The following TLN2 variants were observed in gnomAD, a reference collection of about 807,000 sequenced individuals.
The protein encoded by TLN2 is talin-2.
TLN2 carries 118 observed loss-of-function variants against 294.7 expected under a neutral mutation model. The observed-to-expected ratio is 0.40, with a 90% CI of 0.34 to 0.47. The LOEUF is 0.47. TLN2 is among the 20% of genes least tolerant of loss of function. The probability of loss-of-function intolerance (pLI) is 0.84; values close to 1 mark genes in which losing one functional copy is unlikely to be tolerated. For missense variants in TLN2, 3,083 were observed against 3,282.2 expected (o/e 0.94, Z 1.48); for synonymous variants, 1,431 against 1,304.5 (o/e 1.10, Z -2.09).
chr15:62,553,923 T>G (rs915508982), intron 1 of TLN2, among the ~76,000 whole-genome samples: 24 of 152,058 alleles, frequency 1.6e-4, no homozygotes, highest in African/African-American at 5.8e-4. Context: ...GGGATGCATA[T>G]CTTTTAATCT....
At chr15:62,395,155 C>A (rs1034700639) in intron 1 of TLN2, among the ~76,000 whole-genome samples, 22 of 146,636 alleles carry the variant, frequency 1.5e-4, no homozygotes, top group African/African-American at 4.8e-4. Flanking sequence ...CCTGCCCTCA[C>A]AATGCCCACA....
Position 62,664,134 on chromosome 15 carries a change from C to T in TLN2, c.788+6236C>T, listed in dbSNP as rs569579322. On this transcript the variant is annotated intron_variant, in intron 9 of 58. Transcript: ENST00000636159. ...TTAGAGTATCTTATTAGGAAAAGAC[C>T]TCATCAAGAATAAAGCTCCAAACTG... Among the ~76,000 whole-genome samples the T allele has an allele frequency of 1.5e-3, 224 of 151,228 alleles. 3 individuals carry two copies. The highest frequency in any genetic ancestry group is 4.4e-3 in the African/African-American group (181 of 41,072).
intron 1 of TLN2, among the ~76,000 whole-genome samples, chr15:62,501,377 C>T (rs1316350471): frequency 6.6e-6 from 1 of 152,154 alleles, no homozygotes; most frequent in Non-Finnish European, 1.5e-5. Context: ...CTGGGGTGGA[C>T]ACTCATGACT....
Position 62,448,262 on chromosome 15 carries a change from C to G in TLN2, c.-238+57577C>G, listed in dbSNP as rs140506565. On this transcript the variant is annotated intron_variant, in intron 1 of 58. Coordinates refer to ENST00000636159, the MANE Select transcript of TLN2 (RefSeq NM_015059.3). ...CAGCACTGAGGAGTGACAGGATTCCCAGTCAGGGCCTAATTCCGTATAGCT... is the reference window on the plus strand; with the variant it reads ...CAGCACTGAGGAGTGACAGGATTCCGAGTCAGGGCCTAATTCCGTATAGCT... 9.8e-5 allele frequency among the ~76,000 whole-genome samples: 15 copies of G among 152,340 alleles called. No homozygotes were observed. In the East Asian group the frequency reaches 2.5e-3, roughly 25 times the overall value.
intron 2 of TLN2, among the ~76,000 whole-genome samples, chr15:62,613,047 T>G (rs1411909927): frequency 1.3e-5 from 2 of 152,312 alleles, no homozygotes; most frequent in East Asian, 3.9e-4. Context: ...TTCAGACTTC[T>G]GGGTTCAAAT....
intron 12 of TLN2, among the ~76,000 whole-genome samples, chr15:62,691,012 G>C (rs868553777): frequency 1.5e-5 from 2 of 129,484 alleles, no homozygotes; most frequent in South Asian, 5.8e-4. Flanking sequence ...TGGAAAGAGA[G>C]GGGGAGGGAG....
At chr15:62,819,425 C>T in intron 52 of TLN2, 91 bp from the exon 53 acceptor site, 2 of 1,085,774 alleles carry the variant, frequency 1.8e-6, no homozygotes, top group Non-Finnish European at 2.8e-6. Context: ...ACCAGGCTGC[C>T]TGACTCCACA....
At chr15:62,751,721 C>G (rs527934902) in intron 34 of TLN2, among the ~76,000 whole-genome samples, 1 of 152,192 alleles carries the variant, frequency 6.6e-6, no homozygotes, top group African/African-American at 2.4e-5. Context: ...TCACTGTGAC[C>G]TTGTACAGGA....
rs149231250 is a variant in TLN2 at position 62,643,752 on chromosome 15, G to A, written c.-36-3523G>A. 4.3e-4 allele frequency among the ~76,000 whole-genome samples: 66 copies of A among 152,192 alleles called. 1 individual carries two copies. The highest frequency in any genetic ancestry group is 2.5e-3 in the East Asian group (13 of 5,160). ...CCAGAGGTCAAAGGCATCAGGAGGTGTGGAATTGAGCCTGCACCTCAGACT... is the reference window on the plus strand; with the variant it reads ...CCAGAGGTCAAAGGCATCAGGAGGTATGGAATTGAGCCTGCACCTCAGACT... On this transcript the variant is annotated intron_variant, in intron 3 of 58. Transcript: ENST00000636159.
chr15:62,628,519 T>C (rs1029301914), intron 3 of TLN2, among the ~76,000 whole-genome samples: 2 of 152,252 alleles, frequency 1.3e-5, no homozygotes, highest in African/African-American at 4.8e-5. Context: ...GATTATATGC[T>C]TTTTCTAAGC....
intron 1 of TLN2, among the ~76,000 whole-genome samples, chr15:62,418,659 G>T (rs937987597): frequency 6.6e-6 from 1 of 152,212 alleles, no homozygotes; most frequent in Non-Finnish European, 1.5e-5. Context: ...TCAGTAAAAG[G>T]TGGTTGGATT....
At position 62,623,946 on chromosome 15, in the gene TLN2, G is replaced by C. The variant is rs191198144; in HGVS notation, c.-37+5471G>C. 4.3e-3 allele frequency among the ~76,000 whole-genome samples: 662 copies of C among 152,214 alleles called. 5 individuals are homozygous for C. The South Asian group carries it at 0.05, about 12-fold the overall frequency. On this transcript the variant is annotated intron_variant, in intron 3 of 58. Coordinates refer to ENST00000636159, the MANE Select transcript of TLN2 (RefSeq NM_015059.3). ...TGCCTTTAGTTGGTTTTTTGCTTTA[G>C]GTATTACTGTACTTTTTCCTTTGCT...
At chr15:62,555,202 A>G (rs1341988602) in intron 1 of TLN2, among the ~76,000 whole-genome samples, 3 of 152,196 alleles carry the variant, frequency 2.0e-5, no homozygotes, top group Non-Finnish European at 4.4e-5. Flanking sequence ...TTTCAAGGAA[A>G]AATATTTCAG....
intron 18 of TLN2, among the ~76,000 whole-genome samples, chr15:62,702,433 A>C (rs1383280517): frequency 6.6e-6 from 1 of 152,268 alleles, no homozygotes; most frequent in African/African-American, 2.4e-5. Context: ...AGATGCAGCT[A>C]CAGGAACTTA....
intron 14 of TLN2, 26 bp from the exon 15 acceptor site, chr15:62,697,660 TCA>T: frequency 6.3e-7 from 1 of 1,581,390 alleles, no homozygotes; most frequent in Non-Finnish European, 8.6e-7. Flanking sequence ...TGGTGTTCTC[TCA>T]GTGACCAAAC....
At chr15:62,678,256 A>C (rs1197179434) in intron 11 of TLN2, among the ~76,000 whole-genome samples, 2 of 152,184 alleles carry the variant, frequency 1.3e-5, no homozygotes, top group Non-Finnish European at 2.9e-5. Flanking sequence ...AATATAATTT[A>C]TGTGACCATA....
Position 62,526,991 on chromosome 15 carries a change from C to G in TLN2, c.-237-62696C>G, listed in dbSNP as rs528711366. ...GTCTGTATGTATAGATGTATATTTA[C>G]AATATACATACATGCACCTGTAGAC... On this transcript the variant is annotated intron_variant, in intron 1 of 58. Transcript: ENST00000636159. Among the ~76,000 whole-genome samples the G allele has an allele frequency of 1.1e-4, 16 of 152,234 alleles. No homozygotes were observed. The South Asian group carries it at 3.3e-3, about 32-fold the overall frequency.
At chr15:62,523,278 A>G (rs1023938877) in intron 1 of TLN2, among the ~76,000 whole-genome samples, 1 of 152,234 alleles carries the variant, frequency 6.6e-6, no homozygotes, top group Non-Finnish European at 1.5e-5. Context: ...ATATGACTTA[A>G]GATTCTCAGT....
intron 9 of TLN2, among the ~76,000 whole-genome samples, chr15:62,660,934 C>G (rs1366153754): frequency 6.6e-6 from 1 of 152,114 alleles, no homozygotes; most frequent in Non-Finnish European, 1.5e-5. Flanking sequence ...ATTTTAAGTG[C>G]AGGATGGTCT....
Sources: gnomAD v4.1 joint callset for allele counts (sites outside exome capture counted in the v4.1 genomes callset) on GRCh38, gnomAD v4.1.1 for gene constraint, MANE v1.5 for transcripts, NCBI Gene and HGNC (gene_info 2026-07-23, HGNC 2026-07-21) for gene names.